RAB15: variants seen among roughly 807,000 people sequenced by gnomAD.
RAB15 encodes the protein ras-related protein Rab-15.
RAB15 carries 13 observed loss-of-function variants against 31.8 expected under a neutral mutation model. That is an observed-to-expected ratio of 0.41 (90% CI 0.27 to 0.65). RAB15 has a LOEUF of 0.65. Ranked by LOEUF, RAB15 falls within the 30% of genes least tolerant of loss-of-function variation. The probability of loss-of-function intolerance (pLI) is 0.32; values close to 1 mark genes in which losing one functional copy is unlikely to be tolerated. For missense variants in RAB15, 220 were observed against 277.3 expected (o/e 0.79, Z 1.47); for synonymous variants, 100 against 105.6 (o/e 0.95, Z 0.33).
At chr14:64,966,661 T>A (rs1000368282) in intron 1 of RAB15, among the ~76,000 whole-genome samples, 1 of 152,226 alleles carries the variant, frequency 6.6e-6, no homozygotes, top group African/African-American at 2.4e-5. Flanking sequence ...AGAAAGACTC[T>A]GTTACCATCT....
rs916409271 is a variant in RAB15 at position 64,950,677 on chromosome 14, T to C, written c.325-263A>G. The C allele has an allele frequency of 7.2e-5, 43 of 597,448 alleles. No homozygotes were observed. Among genetic ancestry groups the C allele is most frequent in the African/African-American group, 7.1e-4 (38 of 53,718 alleles). The allele number at this position is 597,448 out of a possible 1,614,324, so 37.0% of individuals were successfully genotyped here. A position where few individuals can be genotyped will look rare whatever the true frequency, so the allele number is the denominator to read the frequency against. On this transcript the variant is annotated intron_variant, in intron 4 of 6. Coordinates refer to ENST00000533601, the MANE Select transcript of RAB15 (RefSeq NM_001308154.2). The surrounding 1 kb of genome is among the most constrained non-coding windows in gnomAD (Gnocchi z 5.6). ...ACTGGTATCAGAGCTGGAAAGGACA[T>C]TGGATGTAAGTCCAGCCCTCATTCT... is the stretch of plus-strand genomic sequence containing the variant.
At position 64,955,300 on chromosome 14, in the gene RAB15, G is replaced by A. The variant is rs1311535618; in HGVS notation, c.125-2729C>T. 6.6e-6 allele frequency among the ~76,000 whole-genome samples: 1 copy of A among 152,030 alleles called. No homozygotes were observed. Among genetic ancestry groups the A allele is most frequent in the Non-Finnish European group, 1.5e-5 (1 of 68,018 alleles). On this transcript the variant is annotated intron_variant, in intron 1 of 6. Transcript: ENST00000533601. The surrounding 1 kb of genome is among the most constrained non-coding windows in gnomAD (Gnocchi z 4.4). ...TTAACAGCCCAAGGATCTTCAAGAGGAATCTATTGCTTCTGCGCTCTGTTC... is the reference window on the plus strand; with the variant it reads ...TTAACAGCCCAAGGATCTTCAAGAGAAATCTATTGCTTCTGCGCTCTGTTC...
In RAB15 at chr14:64,946,986, G is replaced by T. The variant is rs1885957902; in HGVS notation, c.*1368C>A. ...CTCCACCTGTAGCCACAGTGTGGTT[G>T]GCAAACCCTCAAGCCTATCAGGAGG... On this transcript the variant is annotated 3_prime_UTR_variant, in exon 7 of 7. Transcript: ENST00000533601. 6.6e-6 allele frequency: 1 copy of T among 152,668 alleles called. No homozygotes were observed. The highest frequency in any genetic ancestry group is 2.4e-5 in the African/African-American group (1 of 41,450). The allele number at this position is 152,668 out of a possible 1,614,324, so 9.5% of individuals were successfully genotyped here.
intron 1 of RAB15, among the ~76,000 whole-genome samples, chr14:64,969,451 C>T (rs1242759723): frequency 6.6e-6 from 1 of 152,178 alleles, no homozygotes; most frequent in Non-Finnish European, 1.5e-5. Context: ...TCCCAAGTCC[C>T]TTAATAAGCT....
chr14:64,948,161 C>T lies in RAB15; in HGVS notation c.*193G>A, dbSNP rs1489831764. On this transcript the variant is annotated 3_prime_UTR_variant, in exon 7 of 7. Transcript: ENST00000533601. The surrounding 1 kb of genome is among the most constrained non-coding windows in gnomAD (Gnocchi z 7.0). ...CTGAAGAAGACCACTCCAGGGTGGA[C>T]GGGCTGGGGACAGGGGCTGCTTGAG... The T allele has an allele frequency of 1.1e-5, 6 of 553,434 alleles. No individual in the cohort carries two copies. The highest frequency in any genetic ancestry group is 3.2e-5 in the East Asian group (1 of 31,478). 34.3% of individuals were successfully genotyped at this position (553,434 alleles called of 1,614,324 possible).
intron 1 of RAB15, among the ~76,000 whole-genome samples, chr14:64,959,302 C>T (rs1886734651): frequency 6.6e-6 from 1 of 152,098 alleles, no homozygotes; most frequent in African/African-American, 2.4e-5. Flanking sequence ...TCAGGATTGG[C>T]CACTGCTGCC....
At position 64,952,796 on chromosome 14, in the gene RAB15, C is replaced by A. The variant is rs527354876; in HGVS notation, c.125-225G>T. Among the ~76,000 whole-genome samples, 23 of 152,294 alleles carry A rather than the reference C, an allele frequency of 1.5e-4. No homozygotes were observed. Among genetic ancestry groups the A allele is most frequent in the African/African-American group, 5.3e-4 (22 of 41,562 alleles). On this transcript the variant is annotated intron_variant, in intron 1 of 6. Transcript: ENST00000533601. The surrounding 1 kb of genome is among the most constrained non-coding windows in gnomAD (Gnocchi z 4.2). Reference sequence around the variant, plus strand: ...AGCTGAAAGTTGCCACAAGTAAAGGCCCTGGGGGACCCAGAGGAGGGAGAG... The same window carrying A: ...AGCTGAAAGTTGCCACAAGTAAAGGACCTGGGGGACCCAGAGGAGGGAGAG...
chr14:64,961,926 A>AC (rs1264483914), intron 1 of RAB15, among the ~76,000 whole-genome samples: 1 of 150,052 alleles, frequency 6.7e-6, no homozygotes, highest in Non-Finnish European at 1.5e-5. Context: ...AAAAAAAAAA[A>AC]AAAACAGGCC....
rs1348390679 is a variant in RAB15 at position 64,947,430 on chromosome 14, T to A, written c.*924A>T. 6.5e-6 allele frequency: 1 copy of A among 152,774 alleles called. No homozygotes were observed. The highest frequency in any genetic ancestry group is 1.5e-5 in the Non-Finnish European group (1 of 68,154). The allele number at this position is 152,774 out of a possible 1,614,324, so 9.5% of individuals were successfully genotyped here. A position where few individuals can be genotyped will look rare whatever the true frequency, so the allele number is the denominator to read the frequency against. ...GAGTACCCACAGGCCTTGGTCCACA[T>A]CTTTAAATTTGGGAGCCAGGTGGAG... On this transcript the variant is annotated 3_prime_UTR_variant, in exon 7 of 7. Transcript: ENST00000533601. This position sits in a 1 kb window ranked among gnomAD's most constrained non-coding sequence, Gnocchi z 5.6.
At chr14:64,956,594 T>G (rs1386334085) in intron 1 of RAB15, among the ~76,000 whole-genome samples, 2 of 152,128 alleles carry the variant, frequency 1.3e-5, no homozygotes, top group African/African-American at 4.8e-5. Flanking sequence ...GACAAAAGTT[T>G]TGCACCTGAA....
chr14:64,951,020 C>A lies in RAB15; in HGVS notation c.324+54G>T, dbSNP rs1439754190. 1 of 1,613,942 alleles carries A rather than the reference C, an allele frequency of 6.2e-7. No homozygotes were observed. Among genetic ancestry groups the A allele is most frequent in the Non-Finnish European group, 8.5e-7 (1 of 1,180,028 alleles). ...CCTTCCCATCTGGCCCTCGCCTTGC[C>A]TTCCCCGGTGAGGCACCCTCTCCAC... is the stretch of plus-strand genomic sequence containing the variant. On this transcript the variant is annotated intron_variant, in intron 4 of 6. Coordinates refer to ENST00000533601, the MANE Select transcript of RAB15 (RefSeq NM_001308154.2). This position sits in a 1 kb window ranked among gnomAD's most constrained non-coding sequence, Gnocchi z 7.2.
chr14:64,964,393 G>A (rs1256619470), intron 1 of RAB15, among the ~76,000 whole-genome samples: 2 of 151,242 alleles, frequency 1.3e-5, no homozygotes, highest in East Asian at 2.0e-4. Context: ...GTGGTGGTGC[G>A]TGCCTGTAGT....
rs1382666164 is a variant in RAB15 at position 64,962,005 on chromosome 14, A to AGG, written c.125-9436_125-9435dup. Among the ~76,000 whole-genome samples, 2 of 152,008 alleles carry AGG rather than the reference A, an allele frequency of 1.3e-5. No homozygotes were observed. Among genetic ancestry groups the AGG allele is most frequent in the East Asian group, 3.9e-4 (2 of 5,182 alleles). ...AGAGGCAGGCAGGTCACCTGAGGTC[A>AGG]GGAGTTCAAGACCAGCCTGGCCAAC... On this transcript the variant is annotated intron_variant, in intron 1 of 6. Transcript: ENST00000533601. This position sits in a 1 kb window ranked among gnomAD's most constrained non-coding sequence, Gnocchi z 4.2.
intron 1 of RAB15, among the ~76,000 whole-genome samples, chr14:64,964,957 T>G (rs1056055094): frequency 2.0e-5 from 3 of 151,530 alleles, no homozygotes; most frequent in African/African-American, 7.3e-5. Flanking sequence ...AATTTTTTTT[T>G]TTTCCTGAGA....
rs771068045 is a variant in RAB15, at chr14:64,948,999, C to T, written c.415-266G>A. Among the ~76,000 whole-genome samples, 13 of 152,184 alleles carry T rather than the reference C, an allele frequency of 8.5e-5. No individual in the cohort carries two copies. The highest frequency in any genetic ancestry group is 1.8e-4 in the Non-Finnish European group (12 of 68,028). ...ATCATATATCAGGAGATAAAGACACCATCCATTGTGGCAGTATGGCATCCT... is the reference window on the plus strand; with the variant it reads ...ATCATATATCAGGAGATAAAGACACTATCCATTGTGGCAGTATGGCATCCT... On this transcript the variant is annotated intron_variant, in intron 5 of 6. Transcript: ENST00000533601. This position sits in a 1 kb window ranked among gnomAD's most constrained non-coding sequence, Gnocchi z 7.0.
rs778050649 is a variant in RAB15, at chr14:64,950,442, C to T, written c.325-28G>A. The T allele has an allele frequency of 1.8e-5, 29 of 1,574,800 alleles. No individual in the cohort carries two copies. The highest frequency in any genetic ancestry group is 2.4e-5 in the Non-Finnish European group (28 of 1,144,834). On this transcript the variant is annotated intron_variant, in intron 4 of 6. Coordinates refer to ENST00000533601, the MANE Select transcript of RAB15 (RefSeq NM_001308154.2). This position sits in a 1 kb window ranked among gnomAD's most constrained non-coding sequence, Gnocchi z 5.6. Reference sequence around the variant, plus strand: ...AGGGACAAAGGATGGGCAGAACAGCCAGTGAGTGCTGCCTGCCCCCCCAAT... The same window carrying T: ...AGGGACAAAGGATGGGCAGAACAGCTAGTGAGTGCTGCCTGCCCCCCCAAT...
Position 64,948,972 on chromosome 14 carries a change from C to T in RAB15, c.415-239G>A, listed in dbSNP as rs897951793. 6.6e-6 allele frequency among the ~76,000 whole-genome samples: 1 copy of T among 152,210 alleles called. No individual in the cohort carries two copies. Among genetic ancestry groups the T allele is most frequent in the Non-Finnish European group, 1.5e-5 (1 of 68,026 alleles). On this transcript the variant is annotated intron_variant, in intron 5 of 6. Coordinates refer to ENST00000533601, the MANE Select transcript of RAB15 (RefSeq NM_001308154.2). This position sits in a 1 kb window ranked among gnomAD's most constrained non-coding sequence, Gnocchi z 7.0. ...CTGCCACCCCACGCCTCCCAACACA[C>T]AATCATATATCAGGAGATAAAGACA...
In RAB15 at chr14:64,955,743, G is replaced by A. The variant is rs1305971831; in HGVS notation, c.125-3172C>T. Reference sequence around the variant, plus strand: ...GCCTTCCCTCAGGGAAGAGTCCTCTGTCCACATCTGGCCTCTTTTCGGTCA... The same window carrying A: ...GCCTTCCCTCAGGGAAGAGTCCTCTATCCACATCTGGCCTCTTTTCGGTCA... On this transcript the variant is annotated intron_variant, in intron 1 of 6. Transcript: ENST00000533601. This position sits in a 1 kb window ranked among gnomAD's most constrained non-coding sequence, Gnocchi z 4.4. Among the ~76,000 whole-genome samples the A allele has an allele frequency of 6.6e-6, 1 of 152,200 alleles. No homozygotes were observed. Among genetic ancestry groups the A allele is most frequent in the Non-Finnish European group, 1.5e-5 (1 of 68,038 alleles).
chr14:64,952,045 G>A lies in RAB15; in HGVS notation c.186-382C>T, dbSNP rs1362704080. On this transcript the variant is annotated intron_variant, in intron 2 of 6. Coordinates refer to ENST00000533601, the MANE Select transcript of RAB15 (RefSeq NM_001308154.2). This position sits in a 1 kb window ranked among gnomAD's most constrained non-coding sequence, Gnocchi z 4.2. ...AGTGCCCATACTGCTGTGGAATTGA[G>A]AGGGAGCTCTAAACCCTGGCAAAGG... 2.0e-5 allele frequency among the ~76,000 whole-genome samples: 3 copies of A among 152,226 alleles called. No individual in the cohort carries two copies.
Sources: allele counts gnomAD v4.1 joint callset (sites outside exome capture counted in the v4.1 genomes callset), GRCh38; gene constraint gnomAD v4.1.1; non-coding constraint Gnocchi (gnomAD v3.1); transcripts MANE v1.5; gene names NCBI Gene and HGNC (gene_info 2026-07-23, HGNC 2026-07-21).